The following IQCM variants were observed in gnomAD, a reference collection of about 807,000 sequenced individuals.
IQCM encodes IQ motif containing M, also known as IQ domain-containing protein M.
IQCM carries 45 observed loss-of-function variants against 57.6 expected under a neutral mutation model. That is an observed-to-expected ratio of 0.78 (90% CI 0.62 to 1.00). The LOEUF is 1.00. Ranked by LOEUF, IQCM falls within the 50% of genes least tolerant of loss-of-function variation. The probability of loss-of-function intolerance (pLI) is 0.00; values close to 1 mark genes in which losing one functional copy is unlikely to be tolerated. For synonymous variants in IQCM, 148 were observed against 158.9 expected, an observed-to-expected ratio of 0.93 and a Z score of 0.51; for missense variants, 468 against 511.6, an observed-to-expected ratio of 0.91 and a Z score of 0.82.
chr4:149,602,035 C>CAAAAAAAA (rs1236897737), intron 8 of IQCM, among the ~76,000 whole-genome samples: 2 of 35,432 alleles, frequency 5.6e-5, no homozygotes, highest in African/African-American at 9.7e-5. Context: ...GCCTGGGCGA[C>CAAAAAAAA]AAAAAAAAAA....
intron 10 of IQCM, among the ~76,000 whole-genome samples, chr4:149,554,183 A>C (rs530625019): frequency 2.2e-4 from 33 of 152,168 alleles, no homozygotes; most frequent in African/African-American, 7.9e-4. Context: ...TGTGTTTTGC[A>C]TACCGTATTA....
chr4:149,468,337 A>T (rs1368528465), intron 12 of IQCM, among the ~76,000 whole-genome samples: 1 of 152,144 alleles, frequency 6.6e-6, no homozygotes, highest in Non-Finnish European at 1.5e-5. Context: ...TATCCCGCGC[A>T]TAGCTCAGAG....
intron 12 of IQCM, among the ~76,000 whole-genome samples, chr4:149,436,986 T>C (rs527874601): frequency 1.3e-5 from 2 of 152,250 alleles, no homozygotes; most frequent in East Asian, 1.9e-4. Flanking sequence ...CTGACAATCC[T>C]ATGAGGTCAA....
At chr4:149,440,282 A>C (rs1355919245) in intron 12 of IQCM, among the ~76,000 whole-genome samples, 1 of 151,600 alleles carries the variant, frequency 6.6e-6, no homozygotes, top group Non-Finnish European at 1.5e-5. Flanking sequence ...AGCTATTCTT[A>C]ATTGTTAAAT....
chr4:149,624,992 C>T (rs1415349197), intron 7 of IQCM, among the ~76,000 whole-genome samples: 1 of 152,134 alleles, frequency 6.6e-6, no homozygotes, highest in African/African-American at 2.4e-5. Context: ...GAGTTAATTG[C>T]ACATGCAGTT....
intron 8 of IQCM, among the ~76,000 whole-genome samples, chr4:149,603,772 T>C (rs1754527324): frequency 6.6e-6 from 1 of 152,162 alleles, no homozygotes; most frequent in Non-Finnish European, 1.5e-5. Context: ...GTATGAGTCT[T>C]TGTTGTCAAT....
At chr4:149,599,563 C>CAT (rs1418096423) in intron 8 of IQCM, among the ~76,000 whole-genome samples, 1 of 151,728 alleles carries the variant, frequency 6.6e-6, no homozygotes, top group Non-Finnish European at 1.5e-5. Context: ...TGCAGGTATA[C>CAT]ATATATATAC....
chr4:149,668,155 A>G (rs1464558945), intron 7 of IQCM, among the ~76,000 whole-genome samples: 1 of 152,166 alleles, frequency 6.6e-6, no homozygotes, highest in African/African-American at 2.4e-5. Context: ...ATGAAGGAAA[A>G]AATGTTAAGG....
chr4:149,733,010 T>C (rs983533657), intron 5 of IQCM, among the ~76,000 whole-genome samples: 53 of 152,294 alleles, frequency 3.5e-4, no homozygotes, highest in Admixed American at 1.1e-3. Flanking sequence ...CTGGAAGACA[T>C]GGCTAACAAG....
intron 13 of IQCM, among the ~76,000 whole-genome samples, chr4:149,362,791 C>T (rs936695334): frequency 2.0e-5 from 3 of 152,176 alleles, no homozygotes; most frequent in South Asian, 2.1e-4. Flanking sequence ...TTCAGAATTT[C>T]TCAAAGGGAT....
At chr4:149,785,433 A>T (rs1249134035) in intron 2 of IQCM, among the ~76,000 whole-genome samples, 1 of 152,232 alleles carries the variant, frequency 6.6e-6, no homozygotes, top group Non-Finnish European at 1.5e-5. Context: ...GTTGGTAGGC[A>T]TTCCATCAAT....
chr4:149,606,727 T>A (rs1426913050), intron 8 of IQCM, among the ~76,000 whole-genome samples: 2 of 152,134 alleles, frequency 1.3e-5, no homozygotes, highest in East Asian at 3.9e-4. Context: ...AATAATTTTT[T>A]AAATCAAGCA....
intron 5 of IQCM, among the ~76,000 whole-genome samples, chr4:149,719,435 T>C (rs1391767551): frequency 2.6e-5 from 4 of 151,588 alleles, no homozygotes; most frequent in Non-Finnish European, 2.9e-5. Context: ...CTGAAACAAA[T>C]ATAAGAAACT....
chr4:149,547,884 A>T (rs551526095), intron 12 of IQCM, among the ~76,000 whole-genome samples: 2 of 152,224 alleles, frequency 1.3e-5, no homozygotes, highest in Non-Finnish European at 1.5e-5. Flanking sequence ...AGATGTTTTC[A>T]TACTTTTGTG....
chr4:149,673,606 C>A (rs1377817749), intron 7 of IQCM, among the ~76,000 whole-genome samples: 1 of 152,106 alleles, frequency 6.6e-6, no homozygotes, highest in African/African-American at 2.4e-5. Context: ...AATACAGGAG[C>A]ACCCAGATTC....
intron 12 of IQCM, among the ~76,000 whole-genome samples, chr4:149,443,798 G>A (rs187801384): frequency 6.6e-6 from 1 of 151,666 alleles, no homozygotes; most frequent in East Asian, 1.9e-4. Context: ...AGACTACAAG[G>A]TCAAAGAACT....
chr4:149,423,706 C>T (rs1734273411), intron 13 of IQCM, among the ~76,000 whole-genome samples: 1 of 151,874 alleles, frequency 6.6e-6, no homozygotes, highest in South Asian at 2.1e-4. Context: ...ATCTTTTACC[C>T]AGTCTAAACC....
At chr4:149,533,786 C>T (rs1005605324) in intron 12 of IQCM, among the ~76,000 whole-genome samples, 2 of 152,032 alleles carry the variant, frequency 1.3e-5, no homozygotes, top group Non-Finnish European at 2.9e-5. Context: ...TGAATCCCTC[C>T]CATCACATGT....
chr4:149,447,209 GA>G (rs1427594838), intron 12 of IQCM, among the ~76,000 whole-genome samples: 1 of 151,510 alleles, frequency 6.6e-6, no homozygotes, highest in Non-Finnish European at 1.5e-5. Context: ...CATAGAAATT[GA>G]AAGCACAAGC....
Sources: allele counts gnomAD v4.1 joint callset (sites outside exome capture counted in the v4.1 genomes callset), GRCh38; gene constraint gnomAD v4.1.1; transcripts MANE v1.5; gene names NCBI Gene and HGNC (gene_info 2026-07-23, HGNC 2026-07-21).